RGS6: variants seen among roughly 807,000 people sequenced by gnomAD.
RGS6 encodes the protein regulator of G protein signaling 6.
In RGS6, 30 loss-of-function variants were observed where a neutral mutation model predicts 78.5. The ratio of observed to expected loss-of-function variants is 0.38; its 90% confidence interval spans 0.29 to 0.52. The LOEUF (loss-of-function observed/expected upper bound fraction) is 0.52. Among genes scored for constraint, RGS6 ranks in the 20% least tolerant of loss-of-function variants. The pLI is 0.85. For missense variants in RGS6, 495 were observed against 609.7 expected, an observed-to-expected ratio of 0.81 and a Z score of 1.98; for synonymous variants, 206 against 206.0, an observed-to-expected ratio of 1.00 and a Z score of 0.00.
intron 2 of RGS6, among the ~76,000 whole-genome samples, chr14:72,044,348 C>T (rs2092669585): frequency 6.6e-6 from 1 of 152,132 alleles, no homozygotes; most frequent in African/African-American, 2.4e-5. Context: ...AAGAAATTGG[C>T]ATTTGAATCA....
chr14:72,281,645 T>G (rs1567654817), intron 2 of RGS6, among the ~76,000 whole-genome samples: 1 of 152,162 alleles, frequency 6.6e-6, no homozygotes, highest in Non-Finnish European at 1.5e-5. Flanking sequence ...AGGAGACTAT[T>G]GAGATATACC....
chr14:72,413,160 C>T lies in RGS6; in HGVS notation c.185-41368C>T, dbSNP rs1286206428. On this transcript the variant is annotated intron_variant, in intron 3 of 17. Transcript: ENST00000553525. ...GTCTCGTTGATCTGTCTAATGTTGACAGTGGGGTGTTAAAGTCTCCCATTA... is the reference window on the plus strand; with the variant it reads ...GTCTCGTTGATCTGTCTAATGTTGATAGTGGGGTGTTAAAGTCTCCCATTA... 1.6e-4 allele frequency among the ~76,000 whole-genome samples: 24 copies of T among 152,076 alleles called. 1 individual carries two copies. Among genetic ancestry groups the T allele is most frequent in the Admixed American group, 1.6e-3 (24 of 15,270 alleles).
At chr14:72,569,335 C>A (rs2097717580), downstream of RGS6, among the ~76,000 whole-genome samples, 1 of 152,102 alleles carries the variant, frequency 6.6e-6, no homozygotes, top group South Asian at 2.1e-4. Flanking sequence ...CCCCTCTGTT[C>A]CTGGAAGCTG....
chr14:72,614,634 C>T, the RGS6 span, among the ~76,000 whole-genome samples: 1 of 152,080 alleles, frequency 6.6e-6, no homozygotes, highest in Non-Finnish European at 1.5e-5. Flanking sequence ...ACTTTGCCCT[C>T]AGAAGCATCC....
the RGS6 span, among the ~76,000 whole-genome samples, chr14:71,917,767 T>C: frequency 2.0e-5 from 3 of 152,222 alleles, no homozygotes; most frequent in Non-Finnish European, 4.4e-5. Context: ...AGTGTGTCCC[T>C]GATCATTTAA....
chr14:72,542,253 C>T (rs1443536080), intron 17 of RGS6, among the ~76,000 whole-genome samples: 1 of 152,172 alleles, frequency 6.6e-6, no homozygotes, highest in Non-Finnish European at 1.5e-5. Flanking sequence ...CATAGCCCCA[C>T]AAGATGTGGC....
chr14:72,308,887 G>T (rs1408421845), intron 2 of RGS6, among the ~76,000 whole-genome samples: 1 of 152,126 alleles, frequency 6.6e-6, no homozygotes, highest in East Asian at 1.9e-4. Flanking sequence ...TAGATGAAAT[G>T]ATATGAATCA....
At chr14:72,343,498 A>C (rs1241062351) in intron 2 of RGS6, among the ~76,000 whole-genome samples, 1 of 152,228 alleles carries the variant, frequency 6.6e-6, no homozygotes, top group Non-Finnish European at 1.5e-5. Context: ...CCTTAATCAC[A>C]TCTACAAAGT....
At chr14:72,484,925 T>C (rs1190354548) in intron 12 of RGS6, among the ~76,000 whole-genome samples, 1 of 136,942 alleles carries the variant, frequency 7.3e-6, no homozygotes, top group Non-Finnish European at 1.5e-5. Flanking sequence ...GGTAGCCATC[T>C]GGTAGATTTT....
chr14:72,580,870 AC>A, the RGS6 span, among the ~76,000 whole-genome samples: 1 of 152,178 alleles, frequency 6.6e-6, no homozygotes, highest in Non-Finnish European at 1.5e-5. Context: ...CCTGCCTTCA[AC>A]CTGCTCTGCC....
At chr14:72,621,048 G>A in the RGS6 span, among the ~76,000 whole-genome samples, 2 of 151,806 alleles carry the variant, frequency 1.3e-5, no homozygotes, top group African/African-American at 4.8e-5. Context: ...GGCTGAGGCA[G>A]GAGAATCTCT....
chr14:72,465,542 C>T (rs1048153636), intron 6 of RGS6, among the ~76,000 whole-genome samples: 3 of 22,602 alleles, frequency 1.3e-4, no homozygotes, highest in Non-Finnish European at 2.3e-4. Flanking sequence ...GGTGGGTGGG[C>T]GGGCTGTCTG....
chr14:72,165,871 A>G (rs1203107003), intron 2 of RGS6, among the ~76,000 whole-genome samples: 2 of 152,192 alleles, frequency 1.3e-5, no homozygotes, highest in African/African-American at 4.8e-5. Flanking sequence ...CTTTCAAGCA[A>G]TTCTTGCTGT....
At chr14:72,357,646 C>T in intron 3 of RGS6, among the ~76,000 whole-genome samples, 1 of 152,138 alleles carries the variant, frequency 6.6e-6, no homozygotes, top group East Asian at 1.9e-4. Flanking sequence ...TTTAGGATAT[C>T]TGGCAGAAAA....
the RGS6 span, among the ~76,000 whole-genome samples, chr14:72,604,332 T>C: frequency 6.6e-6 from 1 of 152,124 alleles, no homozygotes; most frequent in Non-Finnish European, 1.5e-5. Flanking sequence ...CCATCCCCAA[T>C]CCCAAATCAC....
At chr14:72,490,256 T>C (rs2096560419) in intron 12 of RGS6, among the ~76,000 whole-genome samples, 1 of 152,196 alleles carries the variant, frequency 6.6e-6, no homozygotes, top group African/African-American at 2.4e-5. Context: ...ACAAGCTCGC[T>C]CTCTTTGCCT....
chr14:72,043,787 G>C (rs74063027), intron 2 of RGS6, among the ~76,000 whole-genome samples: 246 of 152,282 alleles, frequency 1.6e-3, no homozygotes, highest in African/African-American at 5.6e-3. Flanking sequence ...ATTTTGGAAA[G>C]TTCTTGGTCA....
chr14:72,051,828 T>A (rs1385002065), intron 2 of RGS6, among the ~76,000 whole-genome samples: 1 of 152,224 alleles, frequency 6.6e-6, no homozygotes, highest in Non-Finnish European at 1.5e-5. Context: ...GGCTGCTGAT[T>A]TTCCCAACAT....
At chr14:71,930,107 A>G (rs543760779), upstream of RGS6, among the ~76,000 whole-genome samples, 4 of 152,316 alleles carry the variant, frequency 2.6e-5, no homozygotes, top group East Asian at 7.7e-4. Context: ...AGGCCTTCTC[A>G]GTCGACAAAC....
Sources: gnomAD v4.1 joint callset for allele counts (sites outside exome capture counted in the v4.1 genomes callset) on GRCh38, gnomAD v4.1.1 for gene constraint, MANE v1.5 for transcripts, NCBI Gene and HGNC (gene_info 2026-07-23, HGNC 2026-07-21) for gene names.